Variants in JAZF1 observed in about 807,000 individuals in gnomAD.
The protein encoded by JAZF1 is juxtaposed with another zinc finger protein 1.
In JAZF1, 8 loss-of-function variants were observed where a neutral mutation model predicts 26.4. That is an observed-to-expected ratio of 0.30 (90% CI 0.18 to 0.55). The LOEUF is 0.55. JAZF1 is among the 20% of genes least tolerant of loss of function. The probability of loss-of-function intolerance (pLI) is 0.94; values close to 1 mark genes in which losing one functional copy is unlikely to be tolerated. For synonymous variants in JAZF1, 126 were observed against 122.3 expected, an observed-to-expected ratio of 1.03 and a Z score of -0.20; for missense variants, 199 against 322.0, an observed-to-expected ratio of 0.62 and a Z score of 2.92.
intron 1 of JAZF1, among the ~76,000 whole-genome samples, chr7:28,158,179 A>AC (rs2127950741): frequency 1.0e-5 from 1 of 100,250 alleles, no homozygotes; most frequent in South Asian, 4.0e-4. Flanking sequence ...ACACACACAC[A>AC]CACACACAGA....
At chr7:28,063,719 T>C (rs891968868) in intron 1 of JAZF1, among the ~76,000 whole-genome samples, 3 of 152,320 alleles carry the variant, frequency 2.0e-5, no homozygotes, top group Non-Finnish European at 4.4e-5. Context: ...GTATTATTTG[T>C]AGTATATTCC....
intron 1 of JAZF1, among the ~76,000 whole-genome samples, chr7:28,155,318 C>T (rs1783165741): frequency 6.6e-6 from 1 of 152,196 alleles, no homozygotes; most frequent in South Asian, 2.1e-4. Flanking sequence ...ACCTGGCCCA[C>T]TAATAAACTA....
intron 1 of JAZF1, among the ~76,000 whole-genome samples, chr7:28,124,847 T>C (rs1003345984): frequency 6.6e-6 from 1 of 152,182 alleles, no homozygotes; most frequent in Admixed American, 6.5e-5. Context: ...AACTGTACAA[T>C]GCCATTACTG....
Position 28,177,611 on chromosome 7 carries a change from G to A in JAZF1, c.115+2852C>T, listed in dbSNP as rs1023959940. ...AAGCATATCTCTAATACTCACGGTT[G>A]CTAAATAACAAGACTGTTGAACAAA... On this transcript the variant is annotated intron_variant, in intron 1 of 4. Transcript: ENST00000283928. 5.3e-5 allele frequency among the ~76,000 whole-genome samples: 8 copies of A among 152,280 alleles called. No individual in the cohort carries two copies. The East Asian group carries it at 9.6e-4, about 18-fold the overall frequency.
chr7:27,891,677 A>T (rs956216421), intron 3 of JAZF1, among the ~76,000 whole-genome samples: 3 of 152,100 alleles, frequency 2.0e-5, no homozygotes, highest in African/African-American at 7.2e-5. Flanking sequence ...AAAAGTCAAA[A>T]AATTAAGTGG....
chr7:28,064,415 T>C (rs1351648765), intron 1 of JAZF1, among the ~76,000 whole-genome samples: 1 of 152,128 alleles, frequency 6.6e-6, no homozygotes, highest in African/African-American at 2.4e-5. Context: ...AAACTGATTA[T>C]TAAATAGAAA....
chr7:28,034,465 C>T (rs1431138884), intron 1 of JAZF1, among the ~76,000 whole-genome samples: 2 of 102,954 alleles, frequency 1.9e-5, no homozygotes, highest in Non-Finnish European at 3.7e-5. Flanking sequence ...TGAAAGAAAA[C>T]TAATACACAC....
At chr7:27,967,704 G>C (rs933387141) in intron 2 of JAZF1, among the ~76,000 whole-genome samples, 2 of 152,070 alleles carry the variant, frequency 1.3e-5, no homozygotes, top group African/African-American at 4.8e-5. Flanking sequence ...TTCCATTTTT[G>C]TTCCTATTAT....
intron 3 of JAZF1, among the ~76,000 whole-genome samples, chr7:27,891,104 T>C (rs2128341308): frequency 1.3e-5 from 2 of 152,344 alleles, no homozygotes; most frequent in Admixed American, 1.3e-4. Context: ...TTACTACTTT[T>C]AAAAGGAGAA....
At chr7:28,022,848 C>T (rs1005229911) in intron 1 of JAZF1, among the ~76,000 whole-genome samples, 7 of 152,168 alleles carry the variant, frequency 4.6e-5, no homozygotes, top group Admixed American at 1.3e-4. Context: ...CCTCCGCTGC[C>T]CAGGTTCAAG....
rs374175450 is a variant in JAZF1, at chr7:27,839,014, A to T, written c.555+1684T>A. 6.6e-5 allele frequency among the ~76,000 whole-genome samples: 10 copies of T among 152,302 alleles called. No homozygotes were observed. In the East Asian group the frequency reaches 1.5e-3, roughly 24 times the overall value. On this transcript the variant is annotated intron_variant, in intron 4 of 4. Coordinates refer to ENST00000283928, the MANE Select transcript of JAZF1 (RefSeq NM_175061.4). ...CCCAGACACAGAGAACGGAAGGGGGAAACTGCCAGAAACCCAAGCAAAGGA... is the reference window on the plus strand; with the variant it reads ...CCCAGACACAGAGAACGGAAGGGGGTAACTGCCAGAAACCCAAGCAAAGGA...
chr7:27,965,066 T>A (rs564393032), intron 2 of JAZF1, among the ~76,000 whole-genome samples: 1 of 152,332 alleles, frequency 6.6e-6, no homozygotes, highest in South Asian at 2.1e-4. Flanking sequence ...GTTTCATTTA[T>A]AGATACTGAC....
chr7:28,125,155 T>C (rs1416332546), intron 1 of JAZF1, among the ~76,000 whole-genome samples: 1 of 151,678 alleles, frequency 6.6e-6, no homozygotes, highest in African/African-American at 2.4e-5. Flanking sequence ...GCTTTTTTTT[T>C]TTTTTTTTGT....
At chr7:27,916,904 A>G (rs1291314659) in intron 2 of JAZF1, among the ~76,000 whole-genome samples, 1 of 152,208 alleles carries the variant, frequency 6.6e-6, no homozygotes, top group East Asian at 1.9e-4. Context: ...AATACATTTT[A>G]GTGAGAAGGC....
chr7:27,918,016 G>A (rs756273103), intron 2 of JAZF1, among the ~76,000 whole-genome samples: 6 of 152,108 alleles, frequency 3.9e-5, no homozygotes, highest in Non-Finnish European at 8.8e-5. Context: ...GAACTACAGT[G>A]GCACTTCCTG....
intron 1 of JAZF1, among the ~76,000 whole-genome samples, chr7:28,127,403 T>A (rs1276247890): frequency 6.6e-6 from 1 of 152,156 alleles, no homozygotes. Flanking sequence ...AGCATGGACC[T>A]GCATTGGGAA....
intron 1 of JAZF1, among the ~76,000 whole-genome samples, chr7:28,085,834 C>T (rs1784204750): frequency 6.6e-6 from 1 of 152,176 alleles, no homozygotes; most frequent in Non-Finnish European, 1.5e-5. Context: ...AATTGTGAGG[C>T]TTTTACATTT....
At chr7:28,057,123 C>T (rs746435481) in intron 1 of JAZF1, among the ~76,000 whole-genome samples, 34 of 152,126 alleles carry the variant, frequency 2.2e-4, no homozygotes, top group Non-Finnish European at 4.4e-4. Flanking sequence ...TCAGAAATTA[C>T]TGCACATTAA....
At chr7:27,995,993 T>C (rs902340428) in intron 1 of JAZF1, among the ~76,000 whole-genome samples, 2 of 152,154 alleles carry the variant, frequency 1.3e-5, no homozygotes, top group Non-Finnish European at 2.9e-5. Flanking sequence ...ACCACCTTAT[T>C]GTCTCTGTGA....
Sources: gnomAD v4.1 joint callset for allele counts (sites outside exome capture counted in the v4.1 genomes callset) on GRCh38, gnomAD v4.1.1 for gene constraint, MANE v1.5 for transcripts, NCBI Gene and HGNC (gene_info 2026-07-23, HGNC 2026-07-21) for gene names.